The following TGM3 variants were observed in gnomAD, a reference collection of about 807,000 sequenced individuals.
TGM3 encodes transglutaminase 3.
In TGM3, 52 loss-of-function variants were observed where a neutral mutation model predicts 73.8. That is an observed-to-expected ratio of 0.70 (90% CI 0.56 to 0.89). The LOEUF (loss-of-function observed/expected upper bound fraction) is 0.89, where lower values mean the gene tolerates loss of function less well. Among genes scored for constraint, TGM3 ranks in the 40% least tolerant of loss-of-function variants. TGM3 has a pLI of 0.00. For missense variants in TGM3, 928 were observed against 909.9 expected, an observed-to-expected ratio of 1.02 and a Z score of -0.26; for synonymous variants, 372 against 354.9, an observed-to-expected ratio of 1.05 and a Z score of -0.54.
At chr20:2,307,649 AC>A (rs1251873178) in intron 1 of TGM3, among the ~76,000 whole-genome samples, 2 of 151,964 alleles carry the variant, frequency 1.3e-5, no homozygotes, top group Non-Finnish European at 2.9e-5. Flanking sequence ...TGTCTTATCC[AC>A]TGCTGAAGCT....
intron 8 of TGM3, among the ~76,000 whole-genome samples, chr20:2,327,389 A>G (rs1003437955): frequency 6.6e-6 from 1 of 152,120 alleles, no homozygotes; most frequent in Admixed American, 6.6e-5. Flanking sequence ...AGGCAGGAGA[A>G]TGGCGTGAAC....
chr20:2,303,617 C>T (rs749067682), intron 1 of TGM3, among the ~76,000 whole-genome samples: 1 of 151,990 alleles, frequency 6.6e-6, no homozygotes, highest in East Asian at 1.9e-4. Context: ...TAACTTCTGC[C>T]AAAAGCTTTT....
chr20:2,326,827 A>G (rs2084290661), intron 8 of TGM3, among the ~76,000 whole-genome samples: 1 of 150,764 alleles, frequency 6.6e-6, no homozygotes, highest in Admixed American at 6.6e-5. Context: ...CCGGCCTGGG[A>G]GACAGAGCAA....
intron 1 of TGM3, among the ~76,000 whole-genome samples, chr20:2,306,898 A>G (rs1291578548): frequency 6.6e-6 from 1 of 152,142 alleles, no homozygotes; most frequent in Non-Finnish European, 1.5e-5. Flanking sequence ...ATTTCCCTAG[A>G]GAGATCTGGC....
rs764616112 is a variant in TGM3, at chr20:2,317,227, G to T, written c.829G>T (p.Ala277Ser). ...CCGATATGGCCAGTGCTGGGTCTTTGCTGGGACCCTCAACACAGGTACCTT... is the reference window on the plus strand; with the variant it reads ...CCGATATGGCCAGTGCTGGGTCTTTTCTGGGACCCTCAACACAGGTACCTT... ...PVRYGQCWVF[A>S]GTLNTALRSL... Residue 277 changes from alanine (A) to serine (S), a missense_variant, in exon 6 of 13, where the codon GCT (alanine) becomes TCT (serine). Ala to Ser is a moderately conservative substitution (Grantham distance 99). Coordinates refer to ENST00000381458, the MANE Select transcript of TGM3 (RefSeq NM_003245.4). 2 of 1,614,196 alleles carry T rather than the reference G, an allele frequency of 1.2e-6. No homozygotes were observed. The highest frequency in any genetic ancestry group is 1.7e-6 in the Non-Finnish European group (2 of 1,180,044).
At chr20:2,339,812 G>A (rs1422905074) in intron 11 of TGM3, 42 bp from the exon 12 acceptor site, 1 of 1,612,354 alleles carries the variant, frequency 6.2e-7, no homozygotes, top group African/African-American at 1.3e-5. Context: ...GGCAGGGGCT[G>A]AGCAGCTGGA....
At chr20:2,330,395 C>A (rs45578439) in intron 9 of TGM3, among the ~76,000 whole-genome samples, 1 of 152,330 alleles carries the variant, frequency 6.6e-6, no homozygotes, top group Non-Finnish European at 1.5e-5. Flanking sequence ...GTTGAACTTA[C>A]AGCTGGACTA....
chr20:2,326,269 G>C (rs2122238422), intron 8 of TGM3, among the ~76,000 whole-genome samples: 1 of 152,294 alleles, frequency 6.6e-6, no homozygotes, highest in African/African-American at 2.4e-5. Context: ...CTCCTTCCCA[G>C]CACAGAAAAT....
chr20:2,327,817 G>C (rs1355893219), intron 8 of TGM3, among the ~76,000 whole-genome samples: 2 of 152,198 alleles, frequency 1.3e-5, no homozygotes, highest in East Asian at 3.9e-4. Flanking sequence ...GCCACCCTGA[G>C]CACGAGAAAG....
chr20:2,333,874 C>T (rs567757865), intron 10 of TGM3, among the ~76,000 whole-genome samples: 7 of 152,190 alleles, frequency 4.6e-5, no homozygotes, highest in South Asian at 2.1e-4. Context: ...TTCTGAACCT[C>T]GGAGGTCACT....
chr20:2,310,044 T>C, intron 2 of TGM3, 134 bp from the exon 3 acceptor site: 1 of 1,426,336 alleles, frequency 7.0e-7, no homozygotes, highest in Non-Finnish European at 9.5e-7. Context: ...GTATGTTTGT[T>C]CCAGTTACTT....
chr20:2,326,400 G>A (rs905191518), intron 8 of TGM3, among the ~76,000 whole-genome samples: 6 of 152,282 alleles, frequency 3.9e-5, no homozygotes, highest in South Asian at 2.1e-4. Flanking sequence ...TCCCTATCCC[G>A]GGCCTCTGCT....
rs758939151 is a variant in TGM3 at position 2,332,284 on chromosome 20, C to T, written c.1616C>T (p.Ala539Val). The change falls in exon 10 of 13, where the codon GCC becomes GTC. Residue 539 changes from alanine (A) to valine (V), a missense_variant. By Grantham distance (64) the Ala-to-Val change is moderately conservative (BLOSUM62 0). Coordinates refer to ENST00000381458, the MANE Select transcript of TGM3 (RefSeq NM_003245.4). The surrounding 1 kb of genome is among the most constrained non-coding windows in gnomAD (Gnocchi z 4.4). ...TLVHEVWKDSATMSLDPEEEA... is the reference protein window; with the variant it reads ...TLVHEVWKDSVTMSLDPEEEA... ...GTACATGAAGTGTGGAAGGACTCTG[C>T]CACAATGTCCCTGGACCCTGAGGAA... The T allele has an allele frequency of 1.2e-6, 2 of 1,607,814 alleles. No individual in the cohort carries two copies. The highest frequency in any genetic ancestry group is 1.7e-6 in the Non-Finnish European group (2 of 1,176,374).
rs142581152 is a variant in TGM3 at position 2,327,449 on chromosome 20, A to C, written c.1088-671A>C. On this transcript the variant is annotated intron_variant, in intron 8 of 12. Transcript: ENST00000381458. ...TCGAGATTGCACCACTGCACTCCAG[A>C]CTGGGCGACAGAGCACGACTGCATC... Among the ~76,000 whole-genome samples, 797 of 152,214 alleles carry C rather than the reference A, an allele frequency of 5.2e-3. 3 individuals carry two copies. Among genetic ancestry groups the C allele is most frequent in the Non-Finnish European group, 9.0e-3 (613 of 68,002 alleles).
At chr20:2,306,223 T>C (rs1419278758) in intron 1 of TGM3, among the ~76,000 whole-genome samples, 1 of 152,140 alleles carries the variant, frequency 6.6e-6, no homozygotes, top group African/African-American at 2.4e-5. Context: ...CGCCCCTCTT[T>C]CCTTACCACT....
intron 11 of TGM3, among the ~76,000 whole-genome samples, chr20:2,339,575 A>G (rs2084369133): frequency 6.6e-6 from 1 of 152,084 alleles, no homozygotes; most frequent in Non-Finnish European, 1.5e-5. Context: ...CGGGGCAGGG[A>G]AGTAACAGTG....
At chr20:2,313,239 G>A (rs546165441) in intron 5 of TGM3, among the ~76,000 whole-genome samples, 2 of 152,330 alleles carry the variant, frequency 1.3e-5, no homozygotes, top group Middle Eastern at 3.4e-3. Context: ...TGTGGCAGAA[G>A]CAGAGCCAGA....
At chr20:2,315,802 A>C in intron 5 of TGM3, among the ~76,000 whole-genome samples, 1 of 152,256 alleles carries the variant, frequency 6.6e-6, no homozygotes, top group East Asian at 1.9e-4. Flanking sequence ...AGAGGTGAAC[A>C]GACCTTTGTG....
rs942554527 is a variant in TGM3, at chr20:2,325,943, A to G, written c.1078A>G (p.Arg360Gly). ...GGTGTTGGATGCTACCCCGCAGGAA[A>G]GAAGCCAAGGTAACTTCTCTGGGTG... ...WQVLDATPQE[R>G]SQGVFQCGPA... The change falls in exon 8 of 13, where the codon AGA (arginine) becomes GGA (glycine). Residue 360 changes from arginine (R) to glycine (G), a missense_variant. Arg to Gly is a moderately radical substitution (Grantham distance 125). Coordinates refer to ENST00000381458, the MANE Select transcript of TGM3 (RefSeq NM_003245.4). 2 of 1,592,474 alleles carry G rather than the reference A, an allele frequency of 1.3e-6. No individual in the cohort carries two copies. Among genetic ancestry groups the G allele is most frequent in the Non-Finnish European group, 1.7e-6 (2 of 1,168,122 alleles).
Sources: allele counts gnomAD v4.1 joint callset (sites outside exome capture counted in the v4.1 genomes callset), GRCh38; gene constraint gnomAD v4.1.1; non-coding constraint Gnocchi (gnomAD v3.1); transcripts MANE v1.5; gene names NCBI Gene and HGNC (gene_info 2026-07-23, HGNC 2026-07-21).